Variants in TMEM44 observed in about 807,000 individuals in gnomAD.
TMEM44 encodes the protein transmembrane protein 44.
Under a neutral mutation model 47.8 loss-of-function variants are expected in TMEM44, and 43 were observed. That is an observed-to-expected ratio of 0.90 (90% CI 0.70 to 1.16). TMEM44 has a LOEUF of 1.16. TMEM44 is among the 50% of genes most tolerant of loss of function. TMEM44 has a pLI of 0.00. For synonymous variants in TMEM44, 277 were observed against 238.8 expected, an observed-to-expected ratio of 1.16 and a Z score of -1.48; for missense variants, 568 against 555.2, an observed-to-expected ratio of 1.02 and a Z score of -0.23.
chr3:194,600,930 A>G (rs1714025714), intron 9 of TMEM44, among the ~76,000 whole-genome samples: 1 of 152,198 alleles, frequency 6.6e-6, no homozygotes, highest in Non-Finnish European at 1.5e-5. Context: ...GTATTAAGCT[A>G]TCTCTTTACA....
At chr3:194,620,847 T>C (rs1716449321) in intron 5 of TMEM44, among the ~76,000 whole-genome samples, 1 of 151,568 alleles carries the variant, frequency 6.6e-6, no homozygotes, top group African/African-American at 2.4e-5. Flanking sequence ...GCCAACATGG[T>C]GCACTCTCGT....
Position 194,625,967 on chromosome 3 carries a change from T to G in TMEM44, c.288A>C (p.Ala96=). 1 of 1,613,768 alleles carries G rather than the reference T, an allele frequency of 6.2e-7. No homozygotes were observed. The highest frequency in any genetic ancestry group is 8.5e-7 in the Non-Finnish European group (1 of 1,179,720). The change falls in exon 3 of 10, where the codon GCA becomes GCC. Residue 96 remains alanine (A), a synonymous_variant. Transcript: ENST00000347147. ...TIQVFTGAYL[A]AIDLVNFMFI... ...ACATAAAGTTCACTAAGTCAATAGC[T>G]GCTAGGTAGGCACCAGTGAAAACCT... is the stretch of plus-strand genomic sequence containing the variant.
intron 9 of TMEM44, among the ~76,000 whole-genome samples, chr3:194,590,480 C>T (rs1244346595): frequency 6.6e-6 from 1 of 152,186 alleles, no homozygotes; most frequent in Non-Finnish European, 1.5e-5. Flanking sequence ...TTATCAGACC[C>T]CAAATAAAAG....
intron 8 of TMEM44, among the ~76,000 whole-genome samples, chr3:194,607,083 A>G (rs1228933711): frequency 6.6e-6 from 1 of 152,110 alleles, no homozygotes; most frequent in Non-Finnish European, 1.5e-5. Context: ...ATGTGATCCC[A>G]GTGTTGGAAG....
intron 8 of TMEM44, among the ~76,000 whole-genome samples, chr3:194,609,708 C>T (rs1378064995): frequency 6.6e-6 from 1 of 152,010 alleles, no homozygotes; most frequent in East Asian, 1.9e-4. Flanking sequence ...CCCTCCAGCG[C>T]TCCACTTCCC....
At chr3:194,601,440 G>C (rs1057450251) in intron 9 of TMEM44, among the ~76,000 whole-genome samples, 2 of 152,112 alleles carry the variant, frequency 1.3e-5, no homozygotes, top group Non-Finnish European at 2.9e-5. Context: ...AAGTAGCTGG[G>C]ATTACAGGCA....
chr3:194,608,274 C>T (rs142601431), intron 8 of TMEM44, among the ~76,000 whole-genome samples: 1 of 152,308 alleles, frequency 6.6e-6, no homozygotes, highest in Non-Finnish European at 1.5e-5. Context: ...ACCCAGTATA[C>T]AAGGAGCAAC....
chr3:194,605,350 C>T (rs1475805882), intron 8 of TMEM44, among the ~76,000 whole-genome samples: 2 of 152,240 alleles, frequency 1.3e-5, no homozygotes, highest in African/African-American at 2.4e-5. Flanking sequence ...AGACCAGCAT[C>T]TTCCACTAAT....
Position 194,588,436 on chromosome 3 carries a change from C to T in TMEM44, c.*93G>A, listed in dbSNP as rs539917134. 11 of 1,130,986 alleles carry T rather than the reference C, an allele frequency of 9.7e-6. No individual in the cohort carries two copies. Among genetic ancestry groups the T allele is most frequent in the African/African-American group, 7.6e-5 (5 of 65,450 alleles). The allele number at this position is 1,130,986 out of a possible 1,614,324, so 70.1% of individuals were successfully genotyped here. On this transcript the variant is annotated 3_prime_UTR_variant, in exon 10 of 10. Transcript: ENST00000347147. ...TCACTTGCCAGGGCAGCTTCAGTTC[C>T]TGCCGCGGTGTCAGTGCAGATTGAT...
chr3:194,620,909 C>A (rs895346059), intron 5 of TMEM44, among the ~76,000 whole-genome samples: 1 of 151,960 alleles, frequency 6.6e-6, no homozygotes, highest in African/African-American at 2.4e-5. Flanking sequence ...TGCCTGTAAT[C>A]CCAGCTACTT....
chr3:194,599,207 G>T (rs1009940456), intron 9 of TMEM44, among the ~76,000 whole-genome samples: 27 of 152,182 alleles, frequency 1.8e-4, no homozygotes, highest in Non-Finnish European at 8.8e-5. Context: ...TAAGGCGGGG[G>T]ACCAGACTCT....
intron 7 of TMEM44, among the ~76,000 whole-genome samples, chr3:194,612,009 G>A (rs1715373595): frequency 6.9e-6 from 1 of 145,542 alleles, no homozygotes; most frequent in Non-Finnish European, 1.5e-5. Context: ...ACAACAGTGA[G>A]ACTCCGTCTC....
At chr3:194,596,331 T>A (rs550152088) in intron 9 of TMEM44, among the ~76,000 whole-genome samples, 1 of 152,106 alleles carries the variant, frequency 6.6e-6, no homozygotes, top group Non-Finnish European at 1.5e-5. Context: ...TTACCTGGAT[T>A]TGGGGAGGCG....
intron 6 of TMEM44, chr3:194,616,637 G>A (rs1254310433): frequency 2.2e-6 from 1 of 456,138 alleles, no homozygotes; most frequent in South Asian, 1.6e-5. Flanking sequence ...AGACGGCGTG[G>A]CCCTGCCTTG....
At chr3:194,589,248 C>T (rs1351685088) in intron 9 of TMEM44, 1 of 152,578 alleles carries the variant, frequency 6.6e-6, no homozygotes, top group Non-Finnish European at 1.5e-5. Context: ...AGTCCTCCCG[C>T]CTCAGCCTCC....
At chr3:194,632,889 C>T (rs1717965597) in intron 1 of TMEM44, 190 bp downstream of exon 1, 2 of 1,015,370 alleles carry the variant, frequency 2.0e-6, no homozygotes, top group Non-Finnish European at 2.7e-6. Context: ...CACAGCCCAG[C>T]TTCCCTGTGC....
intron 9 of TMEM44, among the ~76,000 whole-genome samples, chr3:194,604,064 G>C (rs1393977769): frequency 6.6e-6 from 1 of 152,104 alleles, no homozygotes; most frequent in Non-Finnish European, 1.5e-5. Context: ...ATGTTGGCCA[G>C]GCTGGTCTCA....
intron 6 of TMEM44, chr3:194,616,497 C>T: frequency 2.3e-6 from 1 of 442,914 alleles, no homozygotes; most frequent in South Asian, 1.6e-5. Flanking sequence ...GGAAGAAGGC[C>T]ACATGAAGGG....
chr3:194,606,921 C>G (rs1370852037), intron 8 of TMEM44, among the ~76,000 whole-genome samples: 1 of 130,462 alleles, frequency 7.7e-6, no homozygotes, highest in Non-Finnish European at 1.5e-5. Flanking sequence ...CCACTGCACT[C>G]CAGCCTGGGC....
Sources: allele counts gnomAD v4.1 joint callset (sites outside exome capture counted in the v4.1 genomes callset), GRCh38; gene constraint gnomAD v4.1.1; transcripts MANE v1.5; gene names NCBI Gene and HGNC (gene_info 2026-07-23, HGNC 2026-07-21).